Variants in NAV3 observed in about 807,000 individuals in gnomAD.
The protein encoded by NAV3 is pore membrane and/or filament interacting like protein 1.
Under a neutral mutation model 244.7 loss-of-function variants are expected in NAV3, and 87 were observed. That is an observed-to-expected ratio of 0.36 (90% CI 0.30 to 0.42). The LOEUF is 0.42. Ranked by LOEUF, NAV3 falls within the 20% of genes least tolerant of loss-of-function variation. The pLI, the probability that NAV3 is intolerant of heterozygous loss-of-function variation, is 1.00. For synonymous variants in NAV3, 1,126 were observed against 1,042.2 expected (o/e 1.08, Z -1.55); for missense variants, 2,663 against 2,893.3 (o/e 0.92, Z 1.83).
chr12:77,914,274 G>A (rs1200282611), intron 1 of NAV3, among the ~76,000 whole-genome samples: 1 of 152,016 alleles, frequency 6.6e-6, no homozygotes, highest in Non-Finnish European at 1.5e-5. Flanking sequence ...ACTGTCAAAG[G>A]CTTCATTCAT....
chr12:77,654,799 A>C (rs1358952019), intron 2 of NAV3, among the ~76,000 whole-genome samples: 1 of 150,582 alleles, frequency 6.6e-6, no homozygotes, highest in East Asian at 1.9e-4. Flanking sequence ...TTCGCGGTTC[A>C]TGAAAAACCA....
rs1874345321 is a variant in NAV3, at chr12:78,006,998, A to G, written c.1460A>G (p.Glu487Gly). The G allele has an allele frequency of 1.2e-6, 2 of 1,614,158 alleles. No homozygotes were observed. Among genetic ancestry groups the G allele is most frequent in the African/African-American group, 2.7e-5 (2 of 75,036 alleles). The change falls in exon 8 of 40, where the codon GAG becomes GGG. Residue 487 changes from glutamate to glycine, a missense_variant. This residue lies in a region of NAV3 where 1,521 missense variants were observed against 1,497.0 expected (regional missense o/e 1.02). Transcript: ENST00000397909. ...KVCTEKPVKE[E>G]KDQVTEMAPK... ...TGCACTGAAAAACCAGTCAAAGAAG[A>G]GAAGGATCAGGTGACAGAGATGGCT...
intron 12 of NAV3, among the ~76,000 whole-genome samples, chr12:78,092,799 C>G (rs1409768753): frequency 1.3e-5 from 2 of 151,996 alleles, no homozygotes; most frequent in African/African-American, 4.8e-5. Flanking sequence ...CGCGCCCGGC[C>G]GTGTTAATTA....
chr12:78,168,562 A>C (rs1323409236), intron 23 of NAV3, among the ~76,000 whole-genome samples, 193 bp from the exon 24 acceptor site: 1 of 151,836 alleles, frequency 6.6e-6, no homozygotes, highest in Non-Finnish European at 1.5e-5. Context: ...ACAAACAAAC[A>C]AACAAAAAAC....
intron 2 of NAV3, among the ~76,000 whole-genome samples, chr12:77,797,217 C>G (rs146924068): frequency 1.1e-3 from 174 of 152,258 alleles, no homozygotes; most frequent in Admixed American, 3.2e-3. Flanking sequence ...GCATTATTGT[C>G]TCCATTTTAC....
chr12:77,977,037 T>C (rs1294727727), intron 5 of NAV3, among the ~76,000 whole-genome samples: 1 of 152,132 alleles, frequency 6.6e-6, no homozygotes, highest in Non-Finnish European at 1.5e-5. Context: ...ATCAATTAAA[T>C]TGCACAGTTT....
At chr12:77,911,815 G>T (rs1281260678) in intron 1 of NAV3, among the ~76,000 whole-genome samples, 1 of 151,944 alleles carries the variant, frequency 6.6e-6, no homozygotes, top group African/African-American at 2.4e-5. Flanking sequence ...TAATTTTCAA[G>T]CAAGTTGAGC....
At chr12:78,101,585 G>A (rs1954539737) in intron 12 of NAV3, among the ~76,000 whole-genome samples, 1 of 152,052 alleles carries the variant, frequency 6.6e-6, no homozygotes, top group Non-Finnish European at 1.5e-5. Context: ...TTAATGACTT[G>A]TGCTTTTCTT....
intron 5 of NAV3, among the ~76,000 whole-genome samples, chr12:77,976,674 C>CTTTTTTTTTTT (rs869041498): frequency 5.9e-4 from 49 of 83,434 alleles, no homozygotes; most frequent in African/African-American, 1.0e-3. Flanking sequence ...TTCTTTTTTT[C>CTTTTTTTTTTT]TTTTTTTTTT....
intron 1 of NAV3, among the ~76,000 whole-genome samples, chr12:77,933,204 T>A (rs1888985547): frequency 6.6e-6 from 1 of 152,328 alleles, no homozygotes; most frequent in African/African-American, 2.4e-5. Context: ...TTTAAAGCAA[T>A]CACTATCTGT....
chr12:77,579,262 G>T (rs1193507661), intron 2 of NAV3, among the ~76,000 whole-genome samples: 1 of 152,226 alleles, frequency 6.6e-6, no homozygotes, highest in Non-Finnish European at 1.5e-5. Flanking sequence ...GATGGACAGA[G>T]CTTGCCCAAA....
chr12:77,811,450 G>A (rs1872284759), intron 2 of NAV3, among the ~76,000 whole-genome samples: 1 of 152,138 alleles, frequency 6.6e-6, no homozygotes, highest in Non-Finnish European at 1.5e-5. Context: ...AAATTATTTG[G>A]TTGTACATTT....
intron 31 of NAV3, among the ~76,000 whole-genome samples, chr12:78,186,683 T>G (rs1014824015): frequency 6.6e-6 from 1 of 151,880 alleles, no homozygotes; most frequent in Non-Finnish European, 1.5e-5. Flanking sequence ...CTTTGAACAC[T>G]TTTTTCTAAA....
chr12:77,873,415 G>T (rs930681027), intron 1 of NAV3, among the ~76,000 whole-genome samples: 10 of 151,720 alleles, frequency 6.6e-5, no homozygotes, highest in African/African-American at 2.4e-4. Context: ...ACTTTATAAT[G>T]AAATGATATT....
chr12:77,782,486 T>C (rs946903992), intron 2 of NAV3, among the ~76,000 whole-genome samples: 1 of 152,188 alleles, frequency 6.6e-6, no homozygotes, highest in Non-Finnish European at 1.5e-5. Context: ...AATTAAAAAC[T>C]TGCTTCATGA....
intron 9 of NAV3, among the ~76,000 whole-genome samples, chr12:78,046,325 G>A (rs991356853): frequency 6.6e-6 from 1 of 152,126 alleles, no homozygotes; most frequent in East Asian, 1.9e-4. Flanking sequence ...TGATGTTAAG[G>A]TGTTGATCTT....
intron 12 of NAV3, among the ~76,000 whole-genome samples, chr12:78,091,934 C>T (rs1434268762): frequency 1.3e-5 from 2 of 152,130 alleles, no homozygotes; most frequent in Non-Finnish European, 2.9e-5. Flanking sequence ...AAAGCACTCA[C>T]TCACTCTAAA....
chr12:77,797,464 C>T (rs1161577306), intron 2 of NAV3, among the ~76,000 whole-genome samples: 4 of 149,514 alleles, frequency 2.7e-5, no homozygotes, highest in Non-Finnish European at 5.9e-5. Context: ...AATTGGTAAA[C>T]ACATTAGTTT....
At chr12:78,047,841 T>C (rs1468580948) in intron 9 of NAV3, among the ~76,000 whole-genome samples, 1 of 152,210 alleles carries the variant, frequency 6.6e-6, no homozygotes, top group Admixed American at 6.5e-5. Flanking sequence ...CTTTCAGGTA[T>C]ACCAGTCAAA....
Sources: gnomAD v4.1 joint callset for allele counts (sites outside exome capture counted in the v4.1 genomes callset) on GRCh38, gnomAD v4.1.1 for gene constraint, gnomAD v4.1.1 regional missense constraint, MANE v1.5 for transcripts, NCBI Gene and HGNC (gene_info 2026-07-23, HGNC 2026-07-21) for gene names.